Variants in ZFYVE1 observed in about 807,000 individuals in gnomAD.
ZFYVE1 encodes zinc finger FYVE-type containing 1, also known as zinc finger FYVE domain-containing protein 1.
A neutral mutation model predicts 74.4 loss-of-function variants in ZFYVE1; 30 were observed. The ratio of observed to expected loss-of-function variants is 0.40; its 90% CI spans 0.30 to 0.55. The LOEUF (loss-of-function observed/expected upper bound fraction) is 0.55. ZFYVE1 is among the 20% of genes least tolerant of loss of function. ZFYVE1 has a pLI of 0.42. For missense variants in ZFYVE1, 703 were observed against 1,011.6 expected (o/e 0.69, Z 4.14); for synonymous variants, 335 against 385.1 (o/e 0.87, Z 1.52).
intron 2 of ZFYVE1, among the ~76,000 whole-genome samples, chr14:73,000,744 A>G (rs1232425436): frequency 1.3e-5 from 2 of 152,218 alleles, no homozygotes; most frequent in Non-Finnish European, 2.9e-5. Context: ...ACCCAAGAGA[A>G]CTGAAAACAC....
chr14:73,003,861 G>C (rs141236119), intron 2 of ZFYVE1, among the ~76,000 whole-genome samples: 60 of 152,302 alleles, frequency 3.9e-4, no homozygotes, highest in African/African-American at 1.4e-3. Flanking sequence ...GGGCAGGGCC[G>C]TGTCTACCTT....
At chr14:73,015,389 GAAGAGGGGAAGGAAGGGGGGGGA>G (rs1894178202) in intron 2 of ZFYVE1, among the ~76,000 whole-genome samples, 1 of 8,866 alleles carries the variant, frequency 1.1e-4, no homozygotes, top group African/African-American at 4.1e-4. Flanking sequence ...AGGGGGGAAG[GAAGAGGGGAAGGAAGGGGGGGGA>G]AGGAAGGGGA....
At chr14:73,009,108 G>T (rs1197598746) in intron 2 of ZFYVE1, among the ~76,000 whole-genome samples, 1 of 152,164 alleles carries the variant, frequency 6.6e-6, no homozygotes, top group African/African-American at 2.4e-5. Context: ...ATCAATAAAT[G>T]AATGAACACA....
At chr14:72,973,925 C>T (rs1893097532) in intron 11 of ZFYVE1, among the ~76,000 whole-genome samples, 155 bp downstream of exon 11, 1 of 152,204 alleles carries the variant, frequency 6.6e-6, no homozygotes, top group East Asian at 1.9e-4. Context: ...CTAAGGCATT[C>T]AGCAGAAGCA....
At position 72,969,832 on chromosome 14, in the gene ZFYVE1, T is replaced by C. The variant is rs1326613610; in HGVS notation, c.*1050A>G. 61 of 673,782 alleles carry C rather than the reference T, an allele frequency of 9.1e-5. No individual in the cohort carries two copies. The East Asian group carries it at 1.6e-3, about 18-fold the overall frequency. 41.7% of individuals were successfully genotyped at this position (673,782 alleles called of 1,614,324 possible). A position where few individuals can be genotyped will look rare whatever the true frequency, so the allele number is the denominator to read the frequency against. Reference sequence around the variant, plus strand: ...AGATAAATTTTTTCTTTACGATCTGTTGAAATATTTATATAGACTTTTAAA... The same window carrying C: ...AGATAAATTTTTTCTTTACGATCTGCTGAAATATTTATATAGACTTTTAAA... On this transcript the variant is annotated 3_prime_UTR_variant, in exon 12 of 12. Coordinates refer to ENST00000556143, the MANE Select transcript of ZFYVE1 (RefSeq NM_021260.4).
In ZFYVE1 at chr14:73,023,251, T is replaced by TTATATGTTTTATATATAATATATAA. The variant is rs1567366633; in HGVS notation, c.483+774_483+775insTTATATATTATATATAAAACATATA. On this transcript the variant is annotated intron_variant, in intron 2 of 11. Coordinates refer to ENST00000556143, the MANE Select transcript of ZFYVE1 (RefSeq NM_021260.4). ...ATATGTTTTATATGTAATATATATATTATATGTTTTATATATAATATATAT... is the reference window on the plus strand; with the variant it reads ...ATATGTTTTATATGTAATATATATATTATATGTTTTATATATAATATATAATATATGTTTTATATATAATATATAT... Among the ~76,000 whole-genome samples, 180 of 93,218 alleles carry TTATATGTTTTATATATAATATATAA rather than the reference T, an allele frequency of 1.9e-3. 24 individuals are homozygous for TTATATGTTTTATATATAATATATAA. The highest frequency in any genetic ancestry group is 3.1e-3 in the East Asian group (10 of 3,200). 61.2% of individuals were successfully genotyped at this position (93,218 alleles called of 152,430 possible).
At chr14:72,998,582 G>A (rs1395499415) in intron 2 of ZFYVE1, among the ~76,000 whole-genome samples, 1 of 151,996 alleles carries the variant, frequency 6.6e-6, no homozygotes, top group Non-Finnish European at 1.5e-5. Context: ...ACAAAAAAAA[G>A]GAGCTAAAAC....
At chr14:72,986,753 C>T in intron 4 of ZFYVE1, 8 of 381,928 alleles carry the variant, frequency 2.1e-5, no homozygotes, top group Non-Finnish European at 2.9e-5. Context: ...TGGTCTCAAA[C>T]TCCTGACCTC....
intron 2 of ZFYVE1, among the ~76,000 whole-genome samples, chr14:73,017,960 A>G (rs1367869027): frequency 3.3e-5 from 5 of 152,188 alleles, no homozygotes; most frequent in Non-Finnish European, 7.3e-5. Context: ...CCTCCCATGC[A>G]TTGGCACCTG....
Position 72,970,717 on chromosome 14 carries a change from C to T in ZFYVE1, c.*165G>A, listed in dbSNP as rs114695667. On this transcript the variant is annotated 3_prime_UTR_variant, in exon 12 of 12. Coordinates refer to ENST00000556143, the MANE Select transcript of ZFYVE1 (RefSeq NM_021260.4). ...CCCTGCCCTGAGGGGTCCACACCTT[C>T]GGGCCTGCCGCCAGGCTCACCCCCA... is the stretch of plus-strand genomic sequence containing the variant. 4.8e-4 allele frequency: 355 copies of T among 741,134 alleles called. 2 individuals carry two copies. In the African/African-American group the frequency reaches 5.9e-3, roughly 12 times the overall value. The allele number at this position is 741,134 out of a possible 1,614,324, so 45.9% of individuals were successfully genotyped here.
chr14:73,025,762 C>CCTCT (rs1331658290), intron 1 of ZFYVE1, among the ~76,000 whole-genome samples: 1 of 151,368 alleles, frequency 6.6e-6, no homozygotes, highest in Non-Finnish European at 1.5e-5. Flanking sequence ...ACAAACGCCA[C>CCTCT]CTCTAGGCCC....
At chr14:72,976,816 A>G (rs1279479755) in intron 8 of ZFYVE1, among the ~76,000 whole-genome samples, 3 of 151,976 alleles carry the variant, frequency 2.0e-5, no homozygotes, top group African/African-American at 7.2e-5. Flanking sequence ...AAAATAAGGA[A>G]ATCTTCAGTT....
intron 4 of ZFYVE1, among the ~76,000 whole-genome samples, chr14:72,982,511 C>A (rs1893361724): frequency 6.6e-6 from 1 of 152,170 alleles, no homozygotes; most frequent in African/African-American, 2.4e-5. Flanking sequence ...AAGAAGATAA[C>A]ATATCCACAA....
At chr14:73,004,431 T>C (rs1893935285) in intron 2 of ZFYVE1, among the ~76,000 whole-genome samples, 1 of 152,054 alleles carries the variant, frequency 6.6e-6, no homozygotes, top group African/African-American at 2.4e-5. Flanking sequence ...TGTCTCGGGA[T>C]TCATATTAAG....
intron 2 of ZFYVE1, among the ~76,000 whole-genome samples, chr14:73,019,349 A>G (rs1460355310): frequency 6.6e-6 from 1 of 152,044 alleles, no homozygotes; most frequent in African/African-American, 2.4e-5. Flanking sequence ...GGGAGGCTGT[A>G]AGTGGAAGGA....
At chr14:72,988,260 C>T (rs1305569122) in intron 4 of ZFYVE1, among the ~76,000 whole-genome samples, 5 of 151,308 alleles carry the variant, frequency 3.3e-5, no homozygotes, top group Non-Finnish European at 5.9e-5. Context: ...CTGCAACCTC[C>T]GTCTCCGGGG....
At chr14:73,013,340 G>A (rs904805982) in intron 2 of ZFYVE1, among the ~76,000 whole-genome samples, 1 of 152,162 alleles carries the variant, frequency 6.6e-6, no homozygotes, top group African/African-American at 2.4e-5. Flanking sequence ...AGGTGCAGTG[G>A]CTCACGCCTG....
At chr14:72,972,246 G>T (rs1218076791) in intron 11 of ZFYVE1, among the ~76,000 whole-genome samples, 2 of 152,068 alleles carry the variant, frequency 1.3e-5, no homozygotes, top group Admixed American at 1.3e-4. Flanking sequence ...CCTCTCAGGG[G>T]CTTACTCATC....
rs1106301 is a variant in ZFYVE1 at position 72,986,874 on chromosome 14, G to A, written c.1204-4979C>T. On this transcript the variant is annotated intron_variant, in intron 4 of 11. Transcript: ENST00000556143. ...CACCTGATCCATATACTTATTAGCA[G>A]GTTCAAAAATTCCAAACCTCACATC... The A allele has an allele frequency of 8.9e-4, 876 of 985,234 alleles. 33 individuals are homozygous for A. In the East Asian group the frequency reaches 0.086, roughly 97 times the overall value. 61.0% of individuals were successfully genotyped at this position (985,234 alleles called of 1,614,324 possible).
Sources: gnomAD v4.1 joint callset for allele counts (sites outside exome capture counted in the v4.1 genomes callset) on GRCh38, gnomAD v4.1.1 for gene constraint, MANE v1.5 for transcripts, NCBI Gene and HGNC (gene_info 2026-07-23, HGNC 2026-07-21) for gene names.